ANKS1B: variants seen among roughly 807,000 people sequenced by gnomAD.
ANKS1B encodes the protein ankyrin repeat and sterile alpha motif domain containing 1B.
A neutral mutation model predicts 148.3 loss-of-function variants in ANKS1B; 36 were observed. That is an observed-to-expected ratio of 0.24 (90% CI 0.19 to 0.32). The LOEUF is 0.32. Ranked by LOEUF, ANKS1B falls within the 10% of genes least tolerant of loss-of-function variation. The pLI, the probability that ANKS1B is intolerant of heterozygous loss-of-function variation, is 1.00. For synonymous variants in ANKS1B, 542 were observed against 560.8 expected (o/e 0.97, Z 0.47); for missense variants, 1,157 against 1,542.6 (o/e 0.75, Z 4.19).
rs572463543 is a variant in ANKS1B, at chr12:99,368,025, A to G, written c.1756+31606T>C. On this transcript the variant is annotated intron_variant, in intron 12 of 26. Coordinates refer to ENST00000683438, the MANE Select transcript of ANKS1B (RefSeq NM_001352186.2). ...ATAAATAAGCCTAACTCTATTTTAA[A>G]TTAGTAATACGACTCGGAGAGAAAA... Among the ~76,000 whole-genome samples, 20 of 152,336 alleles carry G rather than the reference A, an allele frequency of 1.3e-4. 1 individual carries two copies. In the South Asian group the frequency reaches 4.1e-3, roughly 32 times the overall value.
At position 99,269,623 on chromosome 12, in the gene ANKS1B, A is replaced by G. The variant is rs1040560007; in HGVS notation, c.1757-22759T>C. Among the ~76,000 whole-genome samples, 8 of 152,260 alleles carry G rather than the reference A, an allele frequency of 5.3e-5. No homozygotes were observed. The East Asian group carries it at 7.7e-4, about 15-fold the overall frequency. On this transcript the variant is annotated intron_variant, in intron 12 of 26. Transcript: ENST00000683438. ...GCTCAGGCTGGAGTGCAGTAGCGCA[A>G]TCTCGGCTCACTGCAAGCTCCGCGT...
chr12:99,077,661 CT>C (rs2048306071), intron 16 of ANKS1B, among the ~76,000 whole-genome samples: 2 of 152,200 alleles, frequency 1.3e-5, no homozygotes, highest in African/African-American at 2.4e-5. Flanking sequence ...CAATAAACAT[CT>C]GAATGTTAAG....
intron 9 of ANKS1B, among the ~76,000 whole-genome samples, chr12:99,546,516 C>G (rs1469131542): frequency 6.6e-6 from 1 of 152,142 alleles, no homozygotes; most frequent in Non-Finnish European, 1.5e-5. Flanking sequence ...ATCTGCTGCT[C>G]TCAGTAGAGG....
At chr12:98,837,460 G>A (rs569114417) in intron 17 of ANKS1B, among the ~76,000 whole-genome samples, 35 of 152,318 alleles carry the variant, frequency 2.3e-4, no homozygotes, top group African/African-American at 7.9e-4. Context: ...TGAAACCACA[G>A]GAGTCAGCCA....
intron 9 of ANKS1B, among the ~76,000 whole-genome samples, chr12:99,613,457 C>T (rs376737295): frequency 6.6e-6 from 1 of 152,086 alleles, no homozygotes; most frequent in East Asian, 1.9e-4. Flanking sequence ...AACCCAAATG[C>T]CCATCAATGA....
Position 98,736,929 on chromosome 12 carries a change from C to T in ANKS1B, c.691-1295G>A, listed in dbSNP as rs2097776469. ...CAGCAGAGGAAGCAATAAGTAAATA[C>T]ATTTGAGTTGTTGAGAGATCATGGG... On this transcript the variant is annotated intron_variant, in intron 9 of 9. Coordinates refer to the ANKS1B transcript ENST00000341752. Among the ~76,000 whole-genome samples, 4 of 152,198 alleles carry T rather than the reference C, an allele frequency of 2.6e-5. No homozygotes were observed. The South Asian group carries it at 8.3e-4, about 32-fold the overall frequency.
rs1200025917 is a variant in ANKS1B at position 99,443,732 on chromosome 12, A to C, written c.1516T>G (p.Cys506Gly). ...GCAGTATCAGGGGATGGAGGTGAAC[A>C]ATCAGGTGTTGGGCCTGTTGAGCTG... The part of the protein sequence containing the change: ...RNSSTGPTPD[C>G]SPPSPDTALK... The change falls in exon 11 of 27, where the codon TGT becomes GGT. Residue 506 changes from cysteine to glycine, a missense_variant. Cys to Gly is a radical substitution (Grantham distance 159). Around this residue, in one of 6 missense-constraint regions of ANKS1B, gnomAD observed 661 missense variants for 642.1 expected, o/e 1.03. Transcript: ENST00000683438. 6.2e-7 allele frequency: 1 copy of C among 1,612,448 alleles called. No homozygotes were observed. The highest frequency in any genetic ancestry group is 2.2e-5 in the East Asian group (1 of 44,842).
At chr12:98,853,331 C>T (rs1325595596) in intron 17 of ANKS1B, among the ~76,000 whole-genome samples, 1 of 152,156 alleles carries the variant, frequency 6.6e-6, no homozygotes, top group Non-Finnish European at 1.5e-5. Flanking sequence ...GTAGAGTGGC[C>T]CCTAACTGGG....
At chr12:99,506,080 C>T (rs957267532) in intron 9 of ANKS1B, among the ~76,000 whole-genome samples, 1 of 151,988 alleles carries the variant, frequency 6.6e-6, no homozygotes, top group African/African-American at 2.4e-5. Context: ...TATTGCTAGC[C>T]CAGGAAAATA....
At chr12:99,674,204 C>T (rs1171410979) in intron 8 of ANKS1B, among the ~76,000 whole-genome samples, 7 of 151,696 alleles carry the variant, frequency 4.6e-5, no homozygotes, top group African/African-American at 1.7e-4. Context: ...GGCAAATCTT[C>T]CTCAAATAAA....
chr12:99,301,045 G>A (rs2081527065), intron 12 of ANKS1B, among the ~76,000 whole-genome samples: 1 of 152,138 alleles, frequency 6.6e-6, no homozygotes, highest in Non-Finnish European at 1.5e-5. Flanking sequence ...TGAGAACCGG[G>A]GAGCCAATGG....
chr12:99,973,686 T>C (rs1360619774), intron 1 of ANKS1B, among the ~76,000 whole-genome samples: 2 of 152,232 alleles, frequency 1.3e-5, no homozygotes, highest in African/African-American at 4.8e-5. Flanking sequence ...GAGGGATTCA[T>C]GATTTCAACA....
intron 10 of ANKS1B, among the ~76,000 whole-genome samples, chr12:99,468,624 G>T (rs1463747220): frequency 6.6e-6 from 1 of 152,136 alleles, no homozygotes; most frequent in African/African-American, 2.4e-5. Flanking sequence ...CAAAAAGTGG[G>T]CAAAGGATAT....
At chr12:99,176,552 C>G (rs2078404175) in intron 14 of ANKS1B, among the ~76,000 whole-genome samples, 1 of 152,106 alleles carries the variant, frequency 6.6e-6, no homozygotes, top group Non-Finnish European at 1.5e-5. Flanking sequence ...ATATGCACTT[C>G]TACCAGCTTA....
At chr12:99,871,786 T>C (rs2091549018) in intron 1 of ANKS1B, among the ~76,000 whole-genome samples, 1 of 152,166 alleles carries the variant, frequency 6.6e-6, no homozygotes, top group Admixed American at 6.6e-5. Flanking sequence ...TATAATGAAG[T>C]CATTTATTAA....
intron 2 of ANKS1B, among the ~76,000 whole-genome samples, chr12:99,816,023 T>A (rs1439186739): frequency 6.6e-6 from 1 of 151,896 alleles, no homozygotes; most frequent in Non-Finnish European, 1.5e-5. Flanking sequence ...ACGGATCTAA[T>A]GATAGATCTG....
At position 99,835,818 on chromosome 12, in the gene ANKS1B, C is replaced by T. The variant is rs79031695; in HGVS notation, c.135-10429G>A. On this transcript the variant is annotated intron_variant, in intron 1 of 26. Transcript: ENST00000683438. ...TTCTAGTATAAGGAAGAGTAGCTAACGGATGCTGGACTTAATACCTAGAAG... is the reference window on the plus strand; with the variant it reads ...TTCTAGTATAAGGAAGAGTAGCTAATGGATGCTGGACTTAATACCTAGAAG... 7.9e-3 allele frequency among the ~76,000 whole-genome samples: 1,203 copies of T among 152,254 alleles called. 15 individuals carry two copies. The highest frequency in any genetic ancestry group is 0.027 in the African/African-American group (1,135 of 41,550).
chr12:99,709,533 G>T (rs2056331431), intron 8 of ANKS1B, among the ~76,000 whole-genome samples: 1 of 152,104 alleles, frequency 6.6e-6, no homozygotes, highest in Non-Finnish European at 1.5e-5. Flanking sequence ...ATTAAAAGAA[G>T]ATAATAATAC....
chr12:98,834,359 C>G (rs1296131427), intron 17 of ANKS1B, among the ~76,000 whole-genome samples: 1 of 152,178 alleles, frequency 6.6e-6, no homozygotes, highest in Non-Finnish European at 1.5e-5. Context: ...ATACTGTTTT[C>G]TGCTTTTAAT....
Sources: allele counts gnomAD v4.1 joint callset (sites outside exome capture counted in the v4.1 genomes callset), GRCh38; gene constraint gnomAD v4.1.1; regional missense constraint gnomAD v4.1.1; transcripts MANE v1.5; gene names NCBI Gene and HGNC (gene_info 2026-07-23, HGNC 2026-07-21).